FHIP2A: variants seen among roughly 807,000 people sequenced by gnomAD.
The protein encoded by FHIP2A is family with sequence similarity 160 member B1.
A neutral mutation model predicts 93.5 loss-of-function variants in FHIP2A; 46 were observed. That is an observed-to-expected ratio of 0.49 (90% CI 0.39 to 0.63). The LOEUF is 0.63. Among genes scored for constraint, FHIP2A ranks in the 20% least tolerant of loss-of-function variants. FHIP2A has a pLI of 0.00. For synonymous variants in FHIP2A, 332 were observed against 326.5 expected (o/e 1.02, Z -0.18); for missense variants, 769 against 909.7 (o/e 0.85, Z 1.99).
rs754828533 is a variant in FHIP2A, at chr10:114,836,204, G to A, written c.480G>A (p.Ala160=). 14 of 1,601,428 alleles carry A rather than the reference G, an allele frequency of 8.7e-6. No individual in the cohort carries two copies. Among genetic ancestry groups the A allele is most frequent in the African/African-American group, 8.0e-5 (6 of 74,814 alleles). The change falls in exon 5 of 17, where the codon GCG becomes GCA. Residue 160 remains alanine, a synonymous_variant. Coordinates refer to ENST00000369248, the MANE Select transcript of FHIP2A (RefSeq NM_020940.4). ...TTCAGTTTCTTTGCATTGTGTGTGC[G>A]AAGCTGAAACAGGACCCCTACCTGG... is the stretch of plus-strand genomic sequence containing the variant. ...EEIQFLCIVC[A]KLKQDPYLVN... is the part of the protein sequence containing the mutation.
chr10:114,881,282 C>T (rs1322686579), intron 16 of FHIP2A, among the ~76,000 whole-genome samples: 1 of 152,134 alleles, frequency 6.6e-6, no homozygotes, highest in Non-Finnish European at 1.5e-5. Flanking sequence ...TAGGTCACAG[C>T]CTTTTGGAGA....
intron 16 of FHIP2A, among the ~76,000 whole-genome samples, chr10:114,891,052 G>A (rs2083969837): frequency 6.6e-6 from 1 of 151,246 alleles, no homozygotes; most frequent in Non-Finnish European, 1.5e-5. Context: ...TAACTAGCTG[G>A]GCATGGTGGT....
At chr10:114,825,170 A>G (rs2083565831) in intron 1 of FHIP2A, among the ~76,000 whole-genome samples, 1 of 152,134 alleles carries the variant, frequency 6.6e-6, no homozygotes, top group Non-Finnish European at 1.5e-5. Context: ...GGCCAGCACC[A>G]CCACACTCAA....
At position 114,830,833 on chromosome 10, in the gene FHIP2A, T is replaced by C; in HGVS notation, c.46-19T>C. The C allele has an allele frequency of 1.9e-6, 3 of 1,555,658 alleles. No individual in the cohort carries two copies. Among genetic ancestry groups the C allele is most frequent in the Non-Finnish European group, 2.6e-6 (3 of 1,138,386 alleles). Reference sequence around the variant, plus strand: ...TTCAATGCCATTTTCTTAATTGTTGTGGTCTTTTGTTTGTGTAGCTTGCAC... The same window carrying C: ...TTCAATGCCATTTTCTTAATTGTTGCGGTCTTTTGTTTGTGTAGCTTGCAC... On this transcript the variant is annotated intron_variant, in intron 1 of 16. Transcript: ENST00000369248.
At chr10:114,895,323 A>G (rs990677720) in intron 16 of FHIP2A, among the ~76,000 whole-genome samples, 5 of 152,244 alleles carry the variant, frequency 3.3e-5, no homozygotes. Context: ...ACTGGTCCAT[A>G]GAACCCTACC....
intron 13 of FHIP2A, among the ~76,000 whole-genome samples, chr10:114,854,322 A>G (rs910623737): frequency 9.9e-5 from 15 of 152,190 alleles, no homozygotes; most frequent in East Asian, 1.9e-4. Flanking sequence ...GAGAAACCCC[A>G]TCTCTACTAA....
chr10:114,828,054 C>G lies in FHIP2A; in HGVS notation c.46-2798C>G, dbSNP rs146873261. ...TCAATATTTTTATGCAGTGATAAAA[C>G]AGGTAATTTGCATGTTAGAATTAGT... On this transcript the variant is annotated intron_variant, in intron 1 of 16. Transcript: ENST00000369248. 6.9e-3 allele frequency among the ~76,000 whole-genome samples: 1,040 copies of G among 151,452 alleles called. 7 individuals are homozygous for G. The highest frequency in any genetic ancestry group is 0.024 in the African/African-American group (1,000 of 41,206).
intron 16 of FHIP2A, among the ~76,000 whole-genome samples, chr10:114,879,353 G>A (rs956179866): frequency 2.0e-5 from 3 of 152,200 alleles, no homozygotes; most frequent in African/African-American, 4.8e-5. Context: ...CCCTCCCTTG[G>A]GACATGGCTT....
downstream of FHIP2A, among the ~76,000 whole-genome samples, chr10:114,865,494 C>T (rs907317463): frequency 3.3e-5 from 5 of 152,052 alleles, no homozygotes; most frequent in East Asian, 9.7e-4. Context: ...CCCAACTACC[C>T]GAAGATTCTT....
chr10:114,853,302 T>C (rs2083747355), intron 13 of FHIP2A, among the ~76,000 whole-genome samples: 1 of 152,344 alleles, frequency 6.6e-6, no homozygotes, highest in East Asian at 1.9e-4. Context: ...GTCTAAATTT[T>C]AAAAATTCTC....
chr10:114,886,387 T>A (rs921227799), intron 16 of FHIP2A, among the ~76,000 whole-genome samples: 10 of 152,196 alleles, frequency 6.6e-5, no homozygotes, highest in African/African-American at 2.4e-4. Context: ...ATTTTTTTTT[T>A]ATCTGTAGAG....
intron 5 of FHIP2A, among the ~76,000 whole-genome samples, chr10:114,837,120 T>G (rs1370741144): frequency 1.3e-5 from 2 of 152,070 alleles, no homozygotes; most frequent in Non-Finnish European, 1.5e-5. Context: ...TCCGGGCTGG[T>G]CTGGAACTCC....
intron 16 of FHIP2A, among the ~76,000 whole-genome samples, chr10:114,874,541 T>A (rs1321090961): frequency 6.6e-6 from 1 of 152,230 alleles, no homozygotes; most frequent in African/African-American, 2.4e-5. Flanking sequence ...TCGCTGTTGT[T>A]GCCCAAGCTG....
chr10:114,857,909 A>G (rs1173754610), intron 14 of FHIP2A, among the ~76,000 whole-genome samples: 1 of 152,230 alleles, frequency 6.6e-6, no homozygotes, highest in Non-Finnish European at 1.5e-5. Flanking sequence ...CAGAATGTAA[A>G]GAACACTGGG....
intron 14 of FHIP2A, among the ~76,000 whole-genome samples, chr10:114,859,776 A>G (rs2083786871): frequency 6.6e-6 from 1 of 152,248 alleles, no homozygotes; most frequent in Non-Finnish European, 1.5e-5. Flanking sequence ...AACAAGTGTG[A>G]GGAACTGTAC....
intron 1 of FHIP2A, among the ~76,000 whole-genome samples, chr10:114,826,592 G>A (rs958833615): frequency 6.6e-6 from 1 of 152,316 alleles, no homozygotes. Context: ...TTTAGGATTG[G>A]AGTTGTTATA....
At chr10:114,887,571 G>A (rs962551360) in intron 16 of FHIP2A, among the ~76,000 whole-genome samples, 26 of 152,236 alleles carry the variant, frequency 1.7e-4, no homozygotes, top group African/African-American at 6.3e-4. Context: ...TGGCTGTGAA[G>A]TCTGTGCACT....
In FHIP2A at chr10:114,833,364, A is replaced by G. The variant is rs755199112; in HGVS notation, c.256A>G (p.Lys86Glu). ...GPCMEYLLHH[K>E]ILETLYTLGK... is the part of the protein sequence containing the mutation. The stretch of plus-strand genomic sequence containing the variant: ...ATGTATGGAATATTTGCTTCATCAC[A>G]AGATCTTGGAAACATTATATACCTT... Residue 86 changes from lysine to glutamate, a missense_variant, in exon 3 of 17, where the codon AAG becomes GAG. Physicochemically the swap from Lys to Glu is moderately conservative, Grantham distance 56 (BLOSUM62 1). Transcript: ENST00000369248. 230 of 1,613,934 alleles carry G rather than the reference A, an allele frequency of 1.4e-4. No individual in the cohort carries two copies. Among genetic ancestry groups the G allele is most frequent in the Non-Finnish European group, 1.7e-4 (198 of 1,179,978 alleles).
chr10:114,881,781 C>T lies in FHIP2A; in HGVS notation c.2193-17709C>T, dbSNP rs138544941. The stretch of plus-strand genomic sequence containing the variant: ...AGTTCTCCCCAATGCCCATTCTAGG[C>T]CATCTCAGAGCTCTGCTAGACTCGC... On this transcript the variant is annotated intron_variant, in intron 16 of 16. Transcript: ENST00000369250. Among the ~76,000 whole-genome samples the T allele has an allele frequency of 3.8e-3, 581 of 152,288 alleles. 2 individuals carry two copies. The highest frequency in any genetic ancestry group is 6.8e-3 in the Middle Eastern group (2 of 292).
Sources: allele counts gnomAD v4.1 joint callset (sites outside exome capture counted in the v4.1 genomes callset), GRCh38; gene constraint gnomAD v4.1.1; transcripts MANE v1.5; gene names NCBI Gene and HGNC (gene_info 2026-07-23, HGNC 2026-07-21).